Variants in PNPLA7 observed in about 807,000 individuals in gnomAD.
PNPLA7 encodes patatin-like phospholipase domain-containing protein 7.
In PNPLA7, 153 loss-of-function variants were observed where a neutral mutation model predicts 161.7. That is an observed-to-expected ratio of 0.95 (90% CI 0.83 to 1.08). The LOEUF (loss-of-function observed/expected upper bound fraction) is 1.08. Ranked by LOEUF, PNPLA7 falls within the 50% of genes least tolerant of loss-of-function variation. The probability of loss-of-function intolerance (pLI) is 0.00; values close to 1 mark genes in which losing one functional copy is unlikely to be tolerated. For missense variants in PNPLA7, 1,739 were observed against 1,856.6 expected (o/e 0.94, Z 1.16); for synonymous variants, 809 against 782.1 (o/e 1.03, Z -0.57).
chr9:137,500,944 G>C lies in PNPLA7; in HGVS notation c.1552-48C>G, dbSNP rs947622241. ...AGGCGCCGCGAGTGGCCGCGGGCAG[G>C]ACGGGGGCAGCTCTGGGCCCAGAGC... On this transcript the variant is annotated intron_variant, in intron 15 of 34. Coordinates refer to ENST00000406427, the MANE Select transcript of PNPLA7 (RefSeq NM_001098537.3). The surrounding 1 kb of genome is among the most constrained non-coding windows in gnomAD (Gnocchi z 5.5). The C allele has an allele frequency of 1.2e-5, 18 of 1,511,430 alleles. No individual in the cohort carries two copies. The African/African-American group carries it at 1.9e-4, about 16-fold the overall frequency. The allele number at this position is 1,511,430 out of a possible 1,614,324, so 93.6% of individuals were successfully genotyped here.
chr9:137,508,629 C>T (rs1834044270), intron 12 of PNPLA7, among the ~76,000 whole-genome samples: 1 of 151,822 alleles, frequency 6.6e-6, no homozygotes, highest in Non-Finnish European at 1.5e-5. Context: ...TACTCACTTT[C>T]TACAAAAGAA....
intron 23 of PNPLA7, chr9:137,479,526 A>C: frequency 8.7e-7 from 1 of 1,147,686 alleles, no homozygotes; most frequent in Non-Finnish European, 1.1e-6. Context: ...AACCTTTCCA[A>C]ATGAGGTATT....
intron 12 of PNPLA7, among the ~76,000 whole-genome samples, chr9:137,513,515 A>G (rs1397347049): frequency 6.6e-6 from 1 of 152,102 alleles, no homozygotes; most frequent in Non-Finnish European, 1.5e-5. Flanking sequence ...TAAATAAAAT[A>G]GTCTTTGGAA....
At position 137,497,187 on chromosome 9, in the gene PNPLA7, C is replaced by A; in HGVS notation, c.2013G>T (p.Val671=). The change falls in exon 18 of 35, where the codon GTG becomes GTT. Residue 671 remains valine (V), a splice_region_variant and synonymous_variant. Transcript: ENST00000406427. ...GGCAGGAGCAGGGCCCAGCACCTAC[C>A]ACGCCGACGAGGTCTCCTCGGCCGT... The part of the protein sequence containing the change: ...GEYGRGDLVG[V]VETLTHQARA... 1 of 1,573,620 alleles carries A rather than the reference C, an allele frequency of 6.4e-7. No individual in the cohort carries two copies. The highest frequency in any genetic ancestry group is 8.6e-7 in the Non-Finnish European group (1 of 1,161,522).
chr9:137,515,121 G>A (rs1349816533), intron 12 of PNPLA7, among the ~76,000 whole-genome samples: 1 of 152,092 alleles, frequency 6.6e-6, no homozygotes, highest in African/African-American at 2.4e-5. Flanking sequence ...TGGTGGCACC[G>A]GCCCAGCCCT....
chr9:137,460,070 C>T lies in PNPLA7; in HGVS notation c.*323G>A. 1 of 303,314 alleles carries T rather than the reference C, an allele frequency of 3.3e-6. No individual in the cohort carries two copies. Among genetic ancestry groups the T allele is most frequent in the Non-Finnish European group, 6.5e-6 (1 of 154,522 alleles). The allele number at this position is 303,314 out of a possible 1,614,324, so 18.8% of individuals were successfully genotyped here. A position where few individuals can be genotyped will look rare whatever the true frequency, so the allele number is the denominator to read the frequency against. Reference sequence around the variant, plus strand: ...AGTTCACAGGGCTTTGGGGGCCTCACAGGGCAGCAGGTGGTTCACAGGGCT... The same window carrying T: ...AGTTCACAGGGCTTTGGGGGCCTCATAGGGCAGCAGGTGGTTCACAGGGCT... On this transcript the variant is annotated 3_prime_UTR_variant, in exon 35 of 35. Coordinates refer to ENST00000406427, the MANE Select transcript of PNPLA7 (RefSeq NM_001098537.3).
Position 137,460,357 on chromosome 9 carries a change from G to A in PNPLA7, c.*36C>T. 9 of 1,586,746 alleles carry A rather than the reference G, an allele frequency of 5.7e-6. No homozygotes were observed. Among genetic ancestry groups the A allele is most frequent in the South Asian group, 2.2e-5 (2 of 89,456 alleles). ...GCCTCAGCCTTGGGGACAGTCCCAC[G>A]GAAGACGCTGCATCCGGGCTCTTTA... On this transcript the variant is annotated 3_prime_UTR_variant, in exon 35 of 35. Transcript: ENST00000406427.
At position 137,547,970 on chromosome 9, in the gene PNPLA7, C is replaced by T. The variant is rs1159463900; in HGVS notation, c.31-311G>A. Among the ~76,000 whole-genome samples, 4 of 152,230 alleles carry T rather than the reference C, an allele frequency of 2.6e-5. No individual in the cohort carries two copies. The East Asian group carries it at 7.7e-4, about 29-fold the overall frequency. ...TGCAGGTCTCAGGGAGCAGGCCTGGCCAAAGGGGAGGCCAAGGCCCCCCTC... is the reference window on the plus strand; with the variant it reads ...TGCAGGTCTCAGGGAGCAGGCCTGGTCAAAGGGGAGGCCAAGGCCCCCCTC... On this transcript the variant is annotated intron_variant, in intron 1 of 34. Transcript: ENST00000406427. The surrounding 1 kb of genome is among the most constrained non-coding windows in gnomAD (Gnocchi z 4.6).
Position 137,490,003 on chromosome 9 carries a change from C to G in PNPLA7, c.2197+3010G>C, listed in dbSNP as rs566855453. 9.2e-5 allele frequency among the ~76,000 whole-genome samples: 14 copies of G among 152,140 alleles called. No homozygotes were observed. The highest frequency in any genetic ancestry group is 2.9e-5 in the Non-Finnish European group (2 of 68,032). On this transcript the variant is annotated intron_variant, in intron 20 of 34. Transcript: ENST00000406427. The surrounding 1 kb of genome is among the most constrained non-coding windows in gnomAD (Gnocchi z 4.1). Reference sequence around the variant, plus strand: ...AAGCTATAAACCTACGGGTCCAAGACGAAGAAACCCCAAACAGGACAGATC... The same window carrying G: ...AAGCTATAAACCTACGGGTCCAAGAGGAAGAAACCCCAAACAGGACAGATC...
rs532764726 is a variant in PNPLA7 at position 137,514,420 on chromosome 9, A to T, written c.1225+959T>A. On this transcript the variant is annotated intron_variant, in intron 12 of 34. Coordinates refer to ENST00000406427, the MANE Select transcript of PNPLA7 (RefSeq NM_001098537.3). ...CTGCAGGCGGGTCACTCGGATGTTGATGTGCCGGGGCCCTGTGGCTGGGCT... is the reference window on the plus strand; with the variant it reads ...CTGCAGGCGGGTCACTCGGATGTTGTTGTGCCGGGGCCCTGTGGCTGGGCT... Among the ~76,000 whole-genome samples, 5 of 125,624 alleles carry T rather than the reference A, an allele frequency of 4.0e-5. No homozygotes were observed. The South Asian group carries it at 1.3e-3, about 33-fold the overall frequency. The allele number at this position is 125,624 out of a possible 152,430, so 82.4% of individuals were successfully genotyped here.
chr9:137,540,745 G>GA lies in PNPLA7; in HGVS notation c.667-24_667-23insT, dbSNP rs778180682. Reference sequence around the variant, plus strand: ...GTCCTGCGCTTGGAGAGCAGAGTGGGTGCCGTCAGGTCTGGGGCTGCGACC... The same window carrying GA: ...GTCCTGCGCTTGGAGAGCAGAGTGGGATGCCGTCAGGTCTGGGGCTGCGACC... On this transcript the variant is annotated intron_variant, in intron 7 of 34. Transcript: ENST00000406427. This position sits in a 1 kb window ranked among gnomAD's most constrained non-coding sequence, Gnocchi z 5.1. 38 of 1,598,342 alleles carry GA rather than the reference G, an allele frequency of 2.4e-5. No homozygotes were observed. The South Asian group carries it at 4.1e-4, about 17-fold the overall frequency.
At chr9:137,477,178 CAG>C (rs1831978422) in intron 25 of PNPLA7, among the ~76,000 whole-genome samples, 1 of 152,254 alleles carries the variant, frequency 6.6e-6, no homozygotes, top group African/African-American at 2.4e-5. Context: ...CCTGGCTCAG[CAG>C]AGGGGCACAT....
intron 8 of PNPLA7, among the ~76,000 whole-genome samples, chr9:137,528,256 A>G (rs1474263982): frequency 6.6e-5 from 10 of 151,738 alleles, no homozygotes; most frequent in Non-Finnish European, 1.2e-4. Flanking sequence ...CCTGCTCTTT[A>G]TTAGTTTCTT....
intron 25 of PNPLA7, among the ~76,000 whole-genome samples, chr9:137,470,494 C>T (rs1831658479): frequency 6.6e-6 from 1 of 152,020 alleles, no homozygotes. Context: ...GTGATCACAC[C>T]ACTGCACTCC....
At chr9:137,504,782 G>T (rs377244361) in intron 14 of PNPLA7, among the ~76,000 whole-genome samples, 1 of 152,194 alleles carries the variant, frequency 6.6e-6, no homozygotes, top group African/African-American at 2.4e-5. Flanking sequence ...ATAACTGGGG[G>T]AGGGACTAGG....
At chr9:137,492,916 C>A (rs1832848913) in intron 20 of PNPLA7, 97 bp downstream of exon 20, 3 of 892,756 alleles carry the variant, frequency 3.4e-6, no homozygotes, top group Non-Finnish European at 3.1e-6. Context: ...CAGGGCGGGG[C>A]CATGGGCTGG....
At chr9:137,539,975 G>A (rs913489057) in intron 8 of PNPLA7, among the ~76,000 whole-genome samples, 1 of 152,060 alleles carries the variant, frequency 6.6e-6, no homozygotes, top group South Asian at 2.1e-4. Context: ...TAGTAGAGAC[G>A]GGGTTTCACC....
intron 4 of PNPLA7, among the ~76,000 whole-genome samples, chr9:137,544,266 G>C (rs762783750): frequency 1.3e-5 from 2 of 152,116 alleles, no homozygotes; most frequent in African/African-American, 2.4e-5. Context: ...CCTTTTCTCA[G>C]GCAGTGCCTG....
intron 25 of PNPLA7, among the ~76,000 whole-genome samples, chr9:137,470,125 G>A (rs888061205): frequency 1.8e-4 from 28 of 151,978 alleles, no homozygotes; most frequent in African/African-American, 6.8e-4. Flanking sequence ...CTGGGCTCAA[G>A]TGATCCCCCT....
Sources: gnomAD v4.1 joint callset for allele counts (sites outside exome capture counted in the v4.1 genomes callset) on GRCh38, gnomAD v4.1.1 for gene constraint, Gnocchi (gnomAD v3.1) non-coding constraint, MANE v1.5 for transcripts, NCBI Gene and HGNC (gene_info 2026-07-23, HGNC 2026-07-21) for gene names.